Variants in PIK3C2G observed in about 807,000 individuals in gnomAD.
The protein encoded by PIK3C2G is phosphatidylinositol 3-kinase C2 domain-containing subunit gamma.
PIK3C2G carries 168 observed loss-of-function variants against 181.1 expected under a neutral mutation model. The observed-to-expected ratio is 0.93, with a 90% CI of 0.82 to 1.05. PIK3C2G has a LOEUF of 1.05. Ranked by LOEUF, PIK3C2G falls within the 50% of genes least tolerant of loss-of-function variation. PIK3C2G has a pLI of 0.00. For synonymous variants in PIK3C2G, 573 were observed against 592.2 expected, an observed-to-expected ratio of 0.97 and a Z score of 0.47; for missense variants, 1,869 against 1,732.8, an observed-to-expected ratio of 1.08 and a Z score of -1.40.
At chr12:18,650,720 A>G (rs1354070700), downstream of PIK3C2G, among the ~76,000 whole-genome samples, 665 of 10,462 alleles carry the variant, frequency 0.064, 32 homozygotes, top group African/African-American at 0.29. Flanking sequence ...ATCTATATAT[A>G]TATATATATA....
chr12:18,671,598 A>G, the PIK3C2G span, among the ~76,000 whole-genome samples: 1 of 152,206 alleles, frequency 6.6e-6, no homozygotes, highest in African/African-American at 2.4e-5. Flanking sequence ...TACTAGGCAC[A>G]TCACAAGTGG....
intron 29 of PIK3C2G, among the ~76,000 whole-genome samples, chr12:18,593,037 G>T (rs975887267): frequency 1.3e-5 from 2 of 151,812 alleles, no homozygotes; most frequent in Admixed American, 1.3e-4. Flanking sequence ...ATCTATTCCA[G>T]GTCTTTCTCC....
downstream of PIK3C2G, among the ~76,000 whole-genome samples, chr12:18,651,050 A>G (rs1221333830): frequency 6.6e-6 from 1 of 151,876 alleles, no homozygotes; most frequent in African/African-American, 2.4e-5. Flanking sequence ...CCTTTAAAAT[A>G]ACCTAAAAGG....
chr12:18,651,107 T>C (rs1271170488), downstream of PIK3C2G, among the ~76,000 whole-genome samples: 1 of 152,050 alleles, frequency 6.6e-6, no homozygotes, highest in African/African-American at 2.4e-5. Context: ...ATTTTAACTC[T>C]TATTATATCC....
intron 18 of PIK3C2G, among the ~76,000 whole-genome samples, chr12:18,440,000 A>G (rs543577426): frequency 1.8e-4 from 28 of 152,138 alleles, no homozygotes; most frequent in Non-Finnish European, 2.6e-4. Context: ...GATCTACCTC[A>G]CTGTACCTGG....
chr12:18,530,178 A>G (rs537070960), intron 24 of PIK3C2G, among the ~76,000 whole-genome samples: 69 of 152,254 alleles, frequency 4.5e-4, no homozygotes, highest in Non-Finnish European at 7.5e-4. Context: ...TTCTTGAGAA[A>G]AATAAAATCA....
intron 26 of PIK3C2G, among the ~76,000 whole-genome samples, chr12:18,548,683 C>A (rs1269630026): frequency 1.3e-5 from 2 of 152,010 alleles, no homozygotes; most frequent in Non-Finnish European, 2.9e-5. Context: ...TTCCCACTTA[C>A]CAATGTTATG....
chr12:18,648,626 A>G (rs1048098640), downstream of PIK3C2G, among the ~76,000 whole-genome samples: 5 of 152,086 alleles, frequency 3.3e-5, no homozygotes, highest in Non-Finnish European at 1.5e-5. Flanking sequence ...CCACCAATCA[A>G]TTCATTGTCA....
intron 18 of PIK3C2G, among the ~76,000 whole-genome samples, chr12:18,465,896 C>A (rs1038378227): frequency 6.6e-6 from 1 of 151,468 alleles, no homozygotes; most frequent in African/African-American, 2.4e-5. Context: ...CTTCTGGAAT[C>A]CCATATATTA....
intron 18 of PIK3C2G, among the ~76,000 whole-genome samples, chr12:18,467,345 C>T (rs1342498025): frequency 2.6e-5 from 4 of 151,976 alleles, no homozygotes; most frequent in African/African-American, 4.8e-5. Context: ...TGTTAACCTC[C>T]AAAACCACAA....
intron 16 of PIK3C2G, among the ~76,000 whole-genome samples, chr12:18,410,337 T>G (rs1403921723): frequency 6.6e-6 from 1 of 151,892 alleles, no homozygotes; most frequent in African/African-American, 2.4e-5. Context: ...AAACCCTGTC[T>G]CTACTGAAAA....
chr12:18,267,627 T>C (rs1188116026), intron 1 of PIK3C2G, among the ~76,000 whole-genome samples: 1 of 152,166 alleles, frequency 6.6e-6, no homozygotes, highest in East Asian at 1.9e-4. Flanking sequence ...TTTCTCAGAT[T>C]TTCAACTAAA....
intron 22 of PIK3C2G, among the ~76,000 whole-genome samples, chr12:18,500,691 C>A (rs207472699): frequency 1.3e-5 from 2 of 152,120 alleles, no homozygotes; most frequent in African/African-American, 4.8e-5. Flanking sequence ...ACAGACCACT[C>A]GGCTCTACCA....
chr12:18,404,526 A>C (rs1361150723), intron 16 of PIK3C2G, among the ~76,000 whole-genome samples: 1 of 152,192 alleles, frequency 6.6e-6, no homozygotes, highest in Non-Finnish European at 1.5e-5. Context: ...TCTTTCAAGG[A>C]AAGTAAGGAA....
At chr12:18,421,288 T>A (rs1945472348) in intron 17 of PIK3C2G, among the ~76,000 whole-genome samples, 1 of 151,940 alleles carries the variant, frequency 6.6e-6, no homozygotes, top group African/African-American at 2.4e-5. Context: ...AAAATAGACA[T>A]GCTCATGATA....
At chr12:18,453,235 T>C (rs982519378) in intron 18 of PIK3C2G, among the ~76,000 whole-genome samples, 10 of 152,302 alleles carry the variant, frequency 6.6e-5, no homozygotes, top group Admixed American at 3.9e-4. Flanking sequence ...TTCTGGGTGC[T>C]CCTGTATTGG....
At chr12:18,294,068 C>T (rs574108707) in intron 5 of PIK3C2G, 53 bp downstream of exon 5, 5 of 781,082 alleles carry the variant, frequency 6.4e-6, no homozygotes, top group Middle Eastern at 5.0e-4. Context: ...TATTAAGTTA[C>T]CACTTGTTTA....
At chr12:18,592,322 T>G (rs1234196262) in intron 29 of PIK3C2G, among the ~76,000 whole-genome samples, 2 of 151,716 alleles carry the variant, frequency 1.3e-5, no homozygotes, top group Non-Finnish European at 2.9e-5. Flanking sequence ...CACAAAAAAG[T>G]CTCAGAAGTG....
At chr12:18,281,804 G>T (rs1949231258) in intron 1 of PIK3C2G, among the ~76,000 whole-genome samples, 200 bp from the exon 2 acceptor site, 1 of 151,936 alleles carries the variant, frequency 6.6e-6, no homozygotes, top group African/African-American at 2.4e-5. Context: ...AGTTTTGTCA[G>T]TCTATCCAAA....
Sources: allele counts gnomAD v4.1 joint callset (sites outside exome capture counted in the v4.1 genomes callset), GRCh38; gene constraint gnomAD v4.1.1; transcripts MANE v1.5; gene names NCBI Gene and HGNC (gene_info 2026-07-23, HGNC 2026-07-21).